The following CLVS1 variants were observed in gnomAD, a reference collection of about 807,000 sequenced individuals.
CLVS1 encodes the protein clavesin 1.
CLVS1 carries 10 observed loss-of-function variants against 33.1 expected under a neutral mutation model. The ratio of observed to expected loss-of-function variants is 0.30; its 90% CI spans 0.19 to 0.51. The LOEUF is 0.51. Among genes scored for constraint, CLVS1 ranks in the 20% least tolerant of loss-of-function variants. The pLI is 0.97. For synonymous variants in CLVS1, 163 were observed against 166.1 expected, an observed-to-expected ratio of 0.98 and a Z score of 0.14; for missense variants, 343 against 433.4, an observed-to-expected ratio of 0.79 and a Z score of 1.85.
intron 5 of CLVS1, among the ~76,000 whole-genome samples, chr8:61,467,215 G>A (rs1218425609): frequency 1.3e-5 from 2 of 152,188 alleles, no homozygotes; most frequent in Non-Finnish European, 2.9e-5. Context: ...TGATCCAAAG[G>A]TAGAGAGTTC....
chr8:61,302,720 A>G (rs903891337), intron 2 of CLVS1, among the ~76,000 whole-genome samples: 1 of 152,208 alleles, frequency 6.6e-6, no homozygotes, highest in African/African-American at 2.4e-5. Context: ...TTGCATTGCT[A>G]TAAGGAACTA....
In CLVS1 at chr8:61,242,043, CTT is replaced by C. The variant is rs35860739; in HGVS notation, c.-151-57625_-151-57624del. On this transcript the variant is annotated intron_variant, in intron 2 of 2. Transcript: ENST00000522621. ...AATTGTTATTTCCCTGTATGTAATA[CTT>C]TTTTTTTTGTTCTGGCTTCTTTAAA... 7.2e-4 allele frequency among the ~76,000 whole-genome samples: 109 copies of C among 150,682 alleles called. 3 individuals are homozygous for C. In the South Asian group the frequency reaches 0.019, roughly 26 times the overall value.
intron 2 of CLVS1, among the ~76,000 whole-genome samples, chr8:61,165,996 G>A (rs964403985): frequency 4.3e-5 from 6 of 139,472 alleles, no homozygotes; most frequent in Admixed American, 1.5e-4. Context: ...AGGCAAGAAC[G>A]TGGGTTACAT....
chr8:61,458,358 G>A lies in CLVS1; in HGVS notation c.793G>A (p.Glu265Lys). ...LNSLHQLIHP[E>K]FLPSEFGGTL... ...CAGCCTTCACCAGCTAATACACCCTGAATTTTTGCCCTCTGAATTTGGAGG... is the reference window on the plus strand; with the variant it reads ...CAGCCTTCACCAGCTAATACACCCTAAATTTTTGCCCTCTGAATTTGGAGG... The change falls in exon 5 of 6, where the codon GAA (glutamate) becomes AAA (lysine). Residue 265 changes from glutamate (E) to lysine (K), a missense_variant. Coordinates refer to ENST00000325897, the MANE Select transcript of CLVS1 (RefSeq NM_173519.3). The A allele has an allele frequency of 1.2e-6, 2 of 1,614,116 alleles. No homozygotes were observed. Among genetic ancestry groups the A allele is most frequent in the Non-Finnish European group, 1.7e-6 (2 of 1,180,002 alleles).
chr8:61,256,178 A>G (rs892203445), intron 2 of CLVS1, among the ~76,000 whole-genome samples: 2 of 152,142 alleles, frequency 1.3e-5, no homozygotes, highest in Admixed American at 1.3e-4. Flanking sequence ...TATGAATTTG[A>G]CTACTAAAGG....
At chr8:61,229,974 C>G (rs974043267) in intron 2 of CLVS1, among the ~76,000 whole-genome samples, 1 of 152,118 alleles carries the variant, frequency 6.6e-6, no homozygotes, top group Non-Finnish European at 1.5e-5. Context: ...TCTTATTTGA[C>G]GTTCACATCA....
intron 1 of CLVS1, among the ~76,000 whole-genome samples, chr8:61,063,257 A>AAGAGAG (rs1804614016): frequency 3.5e-5 from 3 of 85,348 alleles, no homozygotes; most frequent in Admixed American, 1.2e-4. Context: ...GAAAGTGAGG[A>AAGAGAG]AGCGAGAGAG....
chr8:61,134,968 A>G (rs1806165116), intron 2 of CLVS1, among the ~76,000 whole-genome samples: 1 of 151,986 alleles, frequency 6.6e-6, no homozygotes, highest in Non-Finnish European at 1.5e-5. Context: ...GGTGGTATTG[A>G]AGAGCAAGAG....
At chr8:61,102,392 T>G (rs903576842) in intron 1 of CLVS1, among the ~76,000 whole-genome samples, 1 of 152,238 alleles carries the variant, frequency 6.6e-6, no homozygotes, top group Non-Finnish European at 1.5e-5. Context: ...CTTAATTTAA[T>G]TTTGGTTGGT....
At chr8:61,163,034 G>C (rs978081365) in intron 2 of CLVS1, among the ~76,000 whole-genome samples, 2 of 152,204 alleles carry the variant, frequency 1.3e-5, no homozygotes, top group African/African-American at 4.8e-5. Flanking sequence ...GGGGCTTTCT[G>C]TCATTTCAGG....
At chr8:61,446,083 T>C (rs981711585) in intron 3 of CLVS1, among the ~76,000 whole-genome samples, 1 of 152,152 alleles carries the variant, frequency 6.6e-6, no homozygotes, top group African/African-American at 2.4e-5. Flanking sequence ...AGTTTGTTAA[T>C]TTTATTGATC....
intron 1 of CLVS1, among the ~76,000 whole-genome samples, chr8:61,115,086 G>C (rs73685731): frequency 2.0e-5 from 3 of 152,156 alleles, no homozygotes; most frequent in Admixed American, 2.0e-4. Flanking sequence ...TTTGTAGAGG[G>C]GACATTAAAG....
At chr8:61,485,977 T>G (rs933548841) in intron 5 of CLVS1, among the ~76,000 whole-genome samples, 3 of 152,030 alleles carry the variant, frequency 2.0e-5, no homozygotes, top group Non-Finnish European at 4.4e-5. Context: ...GGGATAGCAT[T>G]AGGAGTTATA....
At chr8:61,101,631 G>GTTTATTTA (rs1311063887) in intron 1 of CLVS1, among the ~76,000 whole-genome samples, 1 of 151,948 alleles carries the variant, frequency 6.6e-6, no homozygotes, top group East Asian at 1.9e-4. Context: ...ATGATGTCTG[G>GTTTATTTA]TTTATTTATT....
intron 2 of CLVS1, among the ~76,000 whole-genome samples, chr8:61,156,360 C>T (rs192585521): frequency 2.0e-4 from 30 of 151,990 alleles, no homozygotes; most frequent in Admixed American, 1.9e-3. Flanking sequence ...TCTGGTCCCT[C>T]CTGTGAGTCT....
At chr8:61,273,062 G>A (rs943612329) in intron 2 of CLVS1, among the ~76,000 whole-genome samples, 5 of 150,920 alleles carry the variant, frequency 3.3e-5, no homozygotes, top group African/African-American at 1.2e-4. Context: ...TGGAGCAGAG[G>A]CGCTCTGCTT....
intron 2 of CLVS1, among the ~76,000 whole-genome samples, chr8:61,166,424 G>A (rs1208391721): frequency 1.3e-5 from 2 of 151,958 alleles, no homozygotes; most frequent in African/African-American, 2.4e-5. Flanking sequence ...GTGAGCCACC[G>A]TGCCCGACCT....
the CLVS1 span, among the ~76,000 whole-genome samples, chr8:60,991,075 T>G: frequency 2.0e-5 from 3 of 152,160 alleles, no homozygotes; most frequent in African/African-American, 7.2e-5. Flanking sequence ...AGCTTTTGTT[T>G]CCCAGAAGCT....
chr8:61,437,651 T>G (rs1034761800), intron 3 of CLVS1, among the ~76,000 whole-genome samples: 1 of 152,248 alleles, frequency 6.6e-6, no homozygotes. Flanking sequence ...CTAAGAATAC[T>G]TGTTCATTCT....
Sources: allele counts gnomAD v4.1 joint callset (sites outside exome capture counted in the v4.1 genomes callset), GRCh38; gene constraint gnomAD v4.1.1; transcripts MANE v1.5; gene names NCBI Gene and HGNC (gene_info 2026-07-23, HGNC 2026-07-21).